PIBF1: variants seen among roughly 807,000 people sequenced by gnomAD.
PIBF1 encodes the protein progesterone-induced-blocking factor 1.
A neutral mutation model predicts 112.5 loss-of-function variants in PIBF1; 90 were observed. The observed-to-expected ratio is 0.80, with a 90% CI of 0.67 to 0.95. The LOEUF (loss-of-function observed/expected upper bound fraction) is 0.95, where lower values mean the gene tolerates loss of function less well. Among genes scored for constraint, PIBF1 ranks in the 40% least tolerant of loss-of-function variants. PIBF1 has a pLI of 0.00. For synonymous variants in PIBF1, 301 were observed against 288.6 expected (o/e 1.04, Z -0.44); for missense variants, 915 against 852.3 (o/e 1.07, Z -0.92).
At chr13:72,859,327 T>C (rs945477163) in intron 10 of PIBF1, among the ~76,000 whole-genome samples, 6 of 152,148 alleles carry the variant, frequency 3.9e-5, no homozygotes, top group Non-Finnish European at 7.4e-5. Context: ...GATAAGACTT[T>C]CCATGACATC....
chr13:72,927,978 C>T lies in PIBF1; in HGVS notation c.1731-3187C>T, dbSNP rs370829829. 2.8e-3 allele frequency among the ~76,000 whole-genome samples: 208 copies of T among 74,374 alleles called. 9 individuals are homozygous for T. Among genetic ancestry groups the T allele is most frequent in the African/African-American group, 8.2e-3 (176 of 21,440 alleles). The allele number at this position is 74,374 out of a possible 152,430, so 48.8% of individuals were successfully genotyped here. A position where few individuals can be genotyped will look rare whatever the true frequency, so the allele number is the denominator to read the frequency against. Reference sequence around the variant, plus strand: ...ATATATACACATATATATATATATACATATATATATACACACACATATATA... The same window carrying T: ...ATATATACACATATATATATATATATATATATATATACACACACATATATA... On this transcript the variant is annotated intron_variant, in intron 13 of 17. Transcript: ENST00000326291.
Position 72,861,948 on chromosome 13 carries a change from G to A in PIBF1, c.1322+7793G>A, listed in dbSNP as rs141115610. 4.6e-5 allele frequency among the ~76,000 whole-genome samples: 7 copies of A among 152,290 alleles called. No individual in the cohort carries two copies. The East Asian group carries it at 1.3e-3, about 29-fold the overall frequency. On this transcript the variant is annotated intron_variant, in intron 10 of 17. Transcript: ENST00000326291. ...AGAAATAGTATTTAGGGTCAGGGGA[G>A]TTCCAGAAAACCATGTTGGTAATTT...
At chr13:72,800,744 T>A (rs928660133) in intron 5 of PIBF1, among the ~76,000 whole-genome samples, 1 of 152,220 alleles carries the variant, frequency 6.6e-6, no homozygotes. Flanking sequence ...ATCTGTGAGA[T>A]GTATATTGTA....
At chr13:72,966,028 G>C (rs558891460) in intron 15 of PIBF1, among the ~76,000 whole-genome samples, 1 of 152,230 alleles carries the variant, frequency 6.6e-6, no homozygotes, top group Admixed American at 6.5e-5. Context: ...TTTACTTGTG[G>C]ATAGATGGTT....
At chr13:72,917,393 C>T (rs923037390) in intron 13 of PIBF1, among the ~76,000 whole-genome samples, 1 of 151,860 alleles carries the variant, frequency 6.6e-6, no homozygotes, top group Non-Finnish European at 1.5e-5. Context: ...GAATTAGATT[C>T]GATGATAAGG....
intron 12 of PIBF1, among the ~76,000 whole-genome samples, chr13:72,915,784 A>G (rs1015532579): frequency 4.6e-5 from 7 of 152,184 alleles, no homozygotes; most frequent in African/African-American, 1.7e-4. Flanking sequence ...GATAGGGACA[A>G]AATTAAAAGA....
intron 16 of PIBF1, among the ~76,000 whole-genome samples, chr13:72,976,046 A>G (rs2043012925): frequency 6.6e-6 from 1 of 152,176 alleles, no homozygotes; most frequent in Admixed American, 6.6e-5. Flanking sequence ...AGTCCAAATA[A>G]AAACCAAAAA....
intron 10 of PIBF1, among the ~76,000 whole-genome samples, chr13:72,864,880 A>G (rs1251014051): frequency 2.0e-5 from 3 of 152,308 alleles, no homozygotes; most frequent in Non-Finnish European, 4.4e-5. Context: ...GTCATTTTCA[A>G]CATGTTTCAG....
chr13:72,894,772 A>AGTGTGT lies in PIBF1; in HGVS notation c.1488+852_1488+857dup, dbSNP rs35885902. 9.5e-3 allele frequency among the ~76,000 whole-genome samples: 1,305 copies of AGTGTGT among 137,180 alleles called. 11 individuals are homozygous for AGTGTGT. The highest frequency in any genetic ancestry group is 0.023 in the African/African-American group (824 of 35,174). The allele number at this position is 137,180 out of a possible 152,430, so 90.0% of individuals were successfully genotyped here. On this transcript the variant is annotated intron_variant, in intron 11 of 17. Coordinates refer to ENST00000326291, the MANE Select transcript of PIBF1 (RefSeq NM_006346.4). Reference sequence around the variant, plus strand: ...TAATATATATATTATATATATATATAGTGTGTGTGTGTGTGTGTGTGTGTG... The same window carrying AGTGTGT: ...TAATATATATATTATATATATATATAGTGTGTGTGTGTGTGTGTGTGTGTGTGTGTG...
At chr13:73,011,539 A>C (rs1225125547) in intron 17 of PIBF1, among the ~76,000 whole-genome samples, 1 of 152,182 alleles carries the variant, frequency 6.6e-6, no homozygotes, top group East Asian at 1.9e-4. Flanking sequence ...GGCTTTATCA[A>C]AGCCTAACTG....
intron 10 of PIBF1, among the ~76,000 whole-genome samples, chr13:72,878,803 T>C (rs1292346068): frequency 6.6e-6 from 1 of 152,212 alleles, no homozygotes; most frequent in East Asian, 1.9e-4. Flanking sequence ...TTCTTGGACA[T>C]ATAAATGTTA....
chr13:72,847,892 G>A (rs980334085), intron 9 of PIBF1, among the ~76,000 whole-genome samples: 3 of 152,186 alleles, frequency 2.0e-5, no homozygotes, highest in Non-Finnish European at 2.9e-5. Flanking sequence ...GCAGTTTTAT[G>A]TTGTGTCCAG....
chr13:72,981,728 G>A (rs939723925), intron 16 of PIBF1, among the ~76,000 whole-genome samples: 32 of 152,150 alleles, frequency 2.1e-4, no homozygotes, highest in Non-Finnish European at 4.1e-4. Flanking sequence ...TTCTTTAGCA[G>A]CACTTAGCAC....
At chr13:72,992,912 A>G (rs1230975800) in intron 16 of PIBF1, among the ~76,000 whole-genome samples, 1 of 152,240 alleles carries the variant, frequency 6.6e-6, no homozygotes, top group Non-Finnish European at 1.5e-5. Context: ...AAGAAAAAGC[A>G]TAGAAGGAAA....
chr13:72,802,958 GAA>G (rs759936228), intron 5 of PIBF1, among the ~76,000 whole-genome samples: 2 of 152,144 alleles, frequency 1.3e-5, no homozygotes, highest in Non-Finnish European at 2.9e-5. Flanking sequence ...GTTTGTCAAG[GAA>G]AAGAGAGTGA....
At chr13:72,865,125 G>A (rs2038869289) in intron 10 of PIBF1, among the ~76,000 whole-genome samples, 1 of 152,072 alleles carries the variant, frequency 6.6e-6, no homozygotes, top group African/African-American at 2.4e-5. Flanking sequence ...AAAAGTTGTA[G>A]ATGTGAGGTC....
At chr13:72,842,682 G>C (rs900194869) in intron 9 of PIBF1, among the ~76,000 whole-genome samples, 4 of 152,164 alleles carry the variant, frequency 2.6e-5, no homozygotes, top group Non-Finnish European at 5.9e-5. Flanking sequence ...GTCCTCATTA[G>C]TGCTTAAGCA....
intron 5 of PIBF1, among the ~76,000 whole-genome samples, chr13:72,804,483 C>A (rs1057383754): frequency 6.6e-6 from 1 of 152,136 alleles, no homozygotes; most frequent in African/African-American, 2.4e-5. Context: ...TGTTCACATT[C>A]TTCTTGGGCT....
intron 15 of PIBF1, among the ~76,000 whole-genome samples, chr13:72,971,294 A>G (rs1392235115): frequency 6.6e-6 from 1 of 152,092 alleles, no homozygotes; most frequent in Non-Finnish European, 1.5e-5. Flanking sequence ...ACATAGACAC[A>G]TACATGTTCC....
Sources: gnomAD v4.1 joint callset for allele counts (sites outside exome capture counted in the v4.1 genomes callset) on GRCh38, gnomAD v4.1.1 for gene constraint, MANE v1.5 for transcripts, NCBI Gene and HGNC (gene_info 2026-07-23, HGNC 2026-07-21) for gene names.